USP48: variants seen among roughly 807,000 people sequenced by gnomAD.
USP48 encodes the protein ubiquitin specific peptidase 48, also known as ubiquitin carboxyl-terminal hydrolase 48.
USP48 carries 43 observed loss-of-function variants against 150.7 expected under a neutral mutation model. That is an observed-to-expected ratio of 0.29 (90% confidence interval 0.22 to 0.37). The LOEUF (loss-of-function observed/expected upper bound fraction) is 0.37, where lower values mean the gene tolerates loss of function less well. Ranked by LOEUF, USP48 falls within the 10% of genes least tolerant of loss-of-function variation. The pLI is 1.00. For synonymous variants in USP48, 396 were observed against 425.9 expected (o/e 0.93, Z 0.86); for missense variants, 813 against 1,249.6 (o/e 0.65, Z 5.27).
chr1:21,757,809 T>C (rs768343699), intron 1 of USP48, 26 bp from the exon 2 acceptor site: 9 of 1,571,022 alleles, frequency 5.7e-6, no homozygotes, highest in Non-Finnish European at 6.9e-6. Context: ...AAACCTTTAA[T>C]TTTTAAAAGA....
intron 22 of USP48, 148 bp from the exon 23 acceptor site, chr1:21,695,369 G>A (rs16825823): frequency 0.072 from 59,859 of 831,374 alleles, 3,466 homozygotes; most frequent in East Asian, 0.29. Context: ...AGAAACTAAC[G>A]AGACTTTCTT....
At chr1:21,735,043 G>A (rs146377853) in intron 9 of USP48, among the ~76,000 whole-genome samples, 2 of 152,260 alleles carry the variant, frequency 1.3e-5, no homozygotes, top group East Asian at 3.9e-4. Context: ...ATACTTAAAG[G>A]AAGGAGAAAC....
intron 21 of USP48, among the ~76,000 whole-genome samples, chr1:21,702,289 A>G (rs2097659341): frequency 6.6e-6 from 1 of 152,176 alleles, no homozygotes; most frequent in Non-Finnish European, 1.5e-5. Context: ...GGAAACAAGC[A>G]TCAAATAAAA....
At chr1:21,732,741 A>G (rs2097759933) in intron 9 of USP48, 1 of 315,956 alleles carries the variant, frequency 3.2e-6, no homozygotes, top group African/African-American at 2.2e-5. Flanking sequence ...ATTGTTAAAA[A>G]TGCCTACTAT....
intron 3 of USP48, among the ~76,000 whole-genome samples, chr1:21,753,541 A>C (rs1296750503): frequency 5.9e-5 from 9 of 151,936 alleles, no homozygotes; most frequent in Admixed American, 5.2e-4. Flanking sequence ...AAAACAAAAA[A>C]CAAGGCTGGG....
At chr1:21,709,651 T>C (rs1001634192) in intron 15 of USP48, among the ~76,000 whole-genome samples, 1 of 151,510 alleles carries the variant, frequency 6.6e-6, no homozygotes, top group Non-Finnish European at 1.5e-5. Context: ...GAAACAATAA[T>C]GGGAATGCAC....
chr1:21,694,749 T>C (rs779970192), intron 23 of USP48, among the ~76,000 whole-genome samples: 16 of 152,072 alleles, frequency 1.1e-4, no homozygotes, highest in Non-Finnish European at 2.4e-4. Flanking sequence ...CAGCCTCCAA[T>C]ACCTATTAAG....
At position 21,751,617 on chromosome 1, in the gene USP48, T is replaced by C. The variant is rs1294256593; in HGVS notation, c.666-2A>G. The C allele has an allele frequency of 6.2e-7, 1 of 1,611,714 alleles. No homozygotes were observed. Among genetic ancestry groups the C allele is most frequent in the Non-Finnish European group, 8.5e-7 (1 of 1,178,028 alleles). On this transcript the variant is annotated splice_acceptor_variant, in intron 5 of 26. Coordinates refer to ENST00000308271, the MANE Select transcript of USP48 (RefSeq NM_032236.8). LOFTEE classifies it high-confidence loss of function. Reference sequence around the variant, plus strand: ...GACTCTCTGCCACACTGGTTGCAACTATAATAAAACAGAACGACAAAATTC... The same window carrying C: ...GACTCTCTGCCACACTGGTTGCAACCATAATAAAACAGAACGACAAAATTC...
chr1:21,772,614 C>A (rs1202279558), intron 1 of USP48, among the ~76,000 whole-genome samples: 1 of 147,288 alleles, frequency 6.8e-6, no homozygotes. Context: ...CACAGCGAGG[C>A]TCCATCTCAA....
intron 1 of USP48, among the ~76,000 whole-genome samples, chr1:21,772,554 C>T (rs559512070): frequency 1.3e-5 from 2 of 150,154 alleles, no homozygotes; most frequent in Admixed American, 6.7e-5. Flanking sequence ...ACCCGGGAGG[C>T]GGAGCTCGCA....
At chr1:21,734,680 C>G (rs981590950) in intron 9 of USP48, among the ~76,000 whole-genome samples, 3 of 152,208 alleles carry the variant, frequency 2.0e-5, no homozygotes, top group African/African-American at 7.2e-5. Flanking sequence ...TTAGCACTTT[C>G]TTGTGAAATG....
At chr1:21,747,863 G>A (rs894131720) in intron 7 of USP48, among the ~76,000 whole-genome samples, 15 of 152,232 alleles carry the variant, frequency 9.9e-5, no homozygotes, top group African/African-American at 2.6e-4. Context: ...GTGAGCCACC[G>A]CACCCGGCCC....
At chr1:21,773,254 CAAAAAAAAAA>C in intron 1 of USP48, among the ~76,000 whole-genome samples, 1 of 66,170 alleles carries the variant, frequency 1.5e-5, no homozygotes. Flanking sequence ...GACTCGGTCT[CAAAAAAAAAA>C]AAAAAAAAAA....
chr1:21,683,881 T>C (rs78671472), intron 25 of USP48, among the ~76,000 whole-genome samples: 11,152 of 152,198 alleles, frequency 0.073, 595 homozygotes, highest in East Asian at 0.27. Context: ...GAAAATACAG[T>C]ATTGTCTTTC....
intron 1 of USP48, among the ~76,000 whole-genome samples, chr1:21,759,599 G>T (rs1039829883): frequency 2.6e-5 from 4 of 152,142 alleles, no homozygotes; most frequent in Non-Finnish European, 5.9e-5. Context: ...ACTGAAAGAT[G>T]GTGGAGACAT....
intron 6 of USP48, among the ~76,000 whole-genome samples, chr1:21,750,599 G>A (rs538167888): frequency 1.3e-5 from 2 of 152,092 alleles, no homozygotes; most frequent in Non-Finnish European, 2.9e-5. Flanking sequence ...TTGGCCAGGC[G>A]CGGTGGTTCA....
At chr1:21,714,465 G>A (rs558389454) in intron 15 of USP48, among the ~76,000 whole-genome samples, 2 of 152,198 alleles carry the variant, frequency 1.3e-5, no homozygotes, top group African/African-American at 4.8e-5. Context: ...GTCTTGCTGT[G>A]TTGCCCAGAC....
intron 5 of USP48, among the ~76,000 whole-genome samples, chr1:21,751,948 G>A (rs527454484): frequency 4.0e-5 from 6 of 150,326 alleles, no homozygotes; most frequent in Middle Eastern, 3.4e-3. Flanking sequence ...AACCTGGGAG[G>A]CAGAGGTTGC....
intron 1 of USP48, among the ~76,000 whole-genome samples, chr1:21,772,577 C>A (rs551260787): frequency 1.3e-5 from 2 of 149,924 alleles, no homozygotes; most frequent in East Asian, 3.9e-4. Context: ...GAGCCGAGAT[C>A]GCGCCACTGC....
Sources: gnomAD v4.1 joint callset for allele counts (sites outside exome capture counted in the v4.1 genomes callset) on GRCh38, gnomAD v4.1.1 for gene constraint, MANE v1.5 for transcripts, NCBI Gene and HGNC (gene_info 2026-07-23, HGNC 2026-07-21) for gene names.